Variants in STYK1 observed in about 807,000 individuals in gnomAD.
The protein encoded by STYK1 is STY kinase 1, also known as tyrosine-protein kinase STYK1.
In STYK1, 46 loss-of-function variants were observed where a neutral mutation model predicts 48.1. The observed-to-expected ratio is 0.96, with a 90% CI of 0.75 to 1.22. The LOEUF is 1.22. Among genes scored for constraint, STYK1 ranks in the 50% most tolerant of loss-of-function variants. The probability of loss-of-function intolerance (pLI) is 0.00; values close to 1 mark genes in which losing one functional copy is unlikely to be tolerated. For missense variants in STYK1, 527 were observed against 521.1 expected, an observed-to-expected ratio of 1.01 and a Z score of -0.11; for synonymous variants, 188 against 189.0, an observed-to-expected ratio of 0.99 and a Z score of 0.04.
At chr12:10,623,746 T>C (rs1435143098) in intron 8 of STYK1, among the ~76,000 whole-genome samples, 1 of 152,136 alleles carries the variant, frequency 6.6e-6, no homozygotes, top group East Asian at 1.9e-4. Flanking sequence ...GTCAAACAAT[T>C]TCACAATTAT....
chr12:10,631,535 C>T (rs1000150420), intron 4 of STYK1, among the ~76,000 whole-genome samples: 14 of 152,322 alleles, frequency 9.2e-5, no homozygotes, highest in African/African-American at 3.4e-4. Flanking sequence ...CCCAGGAAAT[C>T]GGTCATGACA....
At chr12:10,630,829 T>C (rs1947418488) in intron 5 of STYK1, among the ~76,000 whole-genome samples, 1 of 152,060 alleles carries the variant, frequency 6.6e-6, no homozygotes, top group Non-Finnish European at 1.5e-5. Flanking sequence ...ATTTTAGTTA[T>C]TATTTGGAGA....
chr12:10,624,682 G>A lies in STYK1; in HGVS notation c.895C>T (p.Leu299Phe). 7 of 1,614,128 alleles carry A rather than the reference G, an allele frequency of 4.3e-6. No individual in the cohort carries two copies. Among genetic ancestry groups the A allele is most frequent in the Non-Finnish European group, 5.9e-6 (7 of 1,180,018 alleles). Residue 299 changes from leucine to phenylalanine, a missense_variant, in exon 8 of 11, where the codon CTC (leucine) becomes TTC (phenylalanine). Transcript: ENST00000075503. ...PLKWLAPERL[L>F]LRPASIRADV... ...GCTCTGATGCTAGCAGGTCTCAGGA[G>A]AAGCCGTTCTGGGGCAAGCCACTTG...
intron 1 of STYK1, among the ~76,000 whole-genome samples, chr12:10,655,410 C>T (rs1354247847): frequency 1.3e-5 from 2 of 152,200 alleles, no homozygotes; most frequent in Non-Finnish European, 2.9e-5. Context: ...ATTGTCTGCT[C>T]CAGGCTCTTT....
chr12:10,640,499 A>G (rs1423278747), intron 1 of STYK1, among the ~76,000 whole-genome samples: 1 of 152,152 alleles, frequency 6.6e-6, no homozygotes, highest in East Asian at 1.9e-4. Context: ...ATATTGAGAA[A>G]TTGTGCTTAT....
intron 1 of STYK1, among the ~76,000 whole-genome samples, chr12:10,664,112 T>C (rs937618411): frequency 2.0e-5 from 3 of 152,124 alleles, no homozygotes; most frequent in Non-Finnish European, 4.4e-5. Context: ...TGAAGCAGCA[T>C]GGTGTAATAT....
At chr12:10,631,511 A>T (rs901184182) in intron 4 of STYK1, among the ~76,000 whole-genome samples, 1 of 152,230 alleles carries the variant, frequency 6.6e-6, no homozygotes, top group Non-Finnish European at 1.5e-5. Flanking sequence ...TTCTTAGGAC[A>T]ACTCAAGAAG....
chr12:10,669,785 G>A (rs968852012), intron 1 of STYK1, among the ~76,000 whole-genome samples: 1 of 152,024 alleles, frequency 6.6e-6, no homozygotes, highest in East Asian at 1.9e-4. Context: ...ACAATAGGGG[G>A]AAAACAAATA....
rs1947420958 is a variant in STYK1 at position 10,631,026 on chromosome 12, C to A, written c.451+19G>T. 1 of 1,609,900 alleles carries A rather than the reference C, an allele frequency of 6.2e-7. No homozygotes were observed. The highest frequency in any genetic ancestry group is 8.5e-7 in the Non-Finnish European group (1 of 1,177,154). ...ATTTACTGTTAGGGGAAGGGGGAGT[C>A]AAACACTTCTTGTTTTACCTTTTAA... On this transcript the variant is annotated intron_variant, in intron 5 of 10. Transcript: ENST00000075503.
chr12:10,619,942 A>G lies in STYK1; in HGVS notation c.*202T>C, dbSNP rs905097411. 9.5e-6 allele frequency: 6 copies of G among 629,244 alleles called. No individual in the cohort carries two copies. Among genetic ancestry groups the G allele is most frequent in the African/African-American group, 9.2e-5 (5 of 54,498 alleles). 39.0% of individuals were successfully genotyped at this position (629,244 alleles called of 1,614,324 possible). On this transcript the variant is annotated 3_prime_UTR_variant, in exon 11 of 11. Transcript: ENST00000075503. ...TTCTAGGACTGGGACAGCAGAAGTGAGACTGACAGTATGTCTTAGCTCAGG... is the reference window on the plus strand; with the variant it reads ...TTCTAGGACTGGGACAGCAGAAGTGGGACTGACAGTATGTCTTAGCTCAGG...
At chr12:10,635,054 A>G (rs988937405) in intron 2 of STYK1, among the ~76,000 whole-genome samples, 1 of 152,176 alleles carries the variant, frequency 6.6e-6, no homozygotes, top group African/African-American at 2.4e-5. Flanking sequence ...TGTGGGCATG[A>G]TCTACCTCCC....
rs1040519884 is a variant in STYK1 at position 10,672,564 on chromosome 12, C to T, written c.-195+1402G>A. Among the ~76,000 whole-genome samples, 1 of 152,088 alleles carries T rather than the reference C, an allele frequency of 6.6e-6. No homozygotes were observed. Among genetic ancestry groups the T allele is most frequent in the Non-Finnish European group, 1.5e-5 (1 of 68,030 alleles). On this transcript the variant is annotated intron_variant, in intron 1 of 10. Coordinates refer to ENST00000075503, the MANE Select transcript of STYK1 (RefSeq NM_018423.3). This position sits in a 1 kb window ranked among gnomAD's most constrained non-coding sequence, Gnocchi z 4.0. Reference sequence around the variant, plus strand: ...CATTAGATTGTCATAGGAGCGTGAACCCTATTGTGAACTGCTCATGTGAGG... The same window carrying T: ...CATTAGATTGTCATAGGAGCGTGAATCCTATTGTGAACTGCTCATGTGAGG...
intron 1 of STYK1, among the ~76,000 whole-genome samples, chr12:10,656,262 G>A (rs1330224404): frequency 3.3e-5 from 5 of 152,032 alleles, no homozygotes; most frequent in Admixed American, 6.5e-5. Context: ...ACGTGGAATT[G>A]TAAGTCCATT....
chr12:10,661,026 C>A (rs948053738), intron 1 of STYK1, among the ~76,000 whole-genome samples: 56 of 152,120 alleles, frequency 3.7e-4, no homozygotes, highest in African/African-American at 1.3e-3. Context: ...TGAATTCTTT[C>A]TTGAGTGAAG....
chr12:10,672,240 C>T lies in STYK1; in HGVS notation c.-195+1726G>A, dbSNP rs138134922. On this transcript the variant is annotated intron_variant, in intron 1 of 10. Coordinates refer to ENST00000075503, the MANE Select transcript of STYK1 (RefSeq NM_018423.3). The surrounding 1 kb of genome is among the most constrained non-coding windows in gnomAD (Gnocchi z 4.0). Reference sequence around the variant, plus strand: ...CGTTGTTTAAGCCAGAGGTCACCAACACCCGGGGCGCCGACAGGTACGGGG... The same window carrying T: ...CGTTGTTTAAGCCAGAGGTCACCAATACCCGGGGCGCCGACAGGTACGGGG... Among the ~76,000 whole-genome samples, 146 of 152,292 alleles carry T rather than the reference C, an allele frequency of 9.6e-4. 1 individual carries two copies. The highest frequency in any genetic ancestry group is 3.1e-3 in the African/African-American group (130 of 41,572).
In STYK1 at chr12:10,619,602, C is replaced by A; in HGVS notation, c.*542G>T. The A allele has an allele frequency of 6.3e-6, 1 of 158,948 alleles. No individual in the cohort carries two copies. The highest frequency in any genetic ancestry group is 1.4e-5 in the Non-Finnish European group (1 of 72,772). 9.8% of individuals were successfully genotyped at this position (158,948 alleles called of 1,614,324 possible). A position where few individuals can be genotyped will look rare whatever the true frequency, so the allele number is the denominator to read the frequency against. On this transcript the variant is annotated 3_prime_UTR_variant, in exon 11 of 11. Coordinates refer to ENST00000075503, the MANE Select transcript of STYK1 (RefSeq NM_018423.3). Reference sequence around the variant, plus strand: ...CTAAGGTGAAACTCAGAGGTTTTTCCGTTATAGTTCTCCTCCAACCCCACA... The same window carrying A: ...CTAAGGTGAAACTCAGAGGTTTTTCAGTTATAGTTCTCCTCCAACCCCACA...
intron 4 of STYK1, 114 bp from the exon 5 acceptor site, chr12:10,631,422 G>T (rs2168746): frequency 7.4e-6 from 10 of 1,352,244 alleles, no homozygotes; most frequent in African/African-American, 2.9e-5. Context: ...TTTGGCCAAT[G>T]GGGAGTTGTC....
At chr12:10,650,443 T>G (rs1947650343) in intron 1 of STYK1, among the ~76,000 whole-genome samples, 1 of 152,218 alleles carries the variant, frequency 6.6e-6, no homozygotes, top group African/African-American at 2.4e-5. Context: ...TAGCTAAAAG[T>G]GCCTCTTCTA....
chr12:10,658,384 T>C (rs1169153968), intron 1 of STYK1, among the ~76,000 whole-genome samples: 1 of 152,230 alleles, frequency 6.6e-6, no homozygotes, highest in Non-Finnish European at 1.5e-5. Context: ...TGTTTGCCTT[T>C]TGAATAAACT....
Sources: gnomAD v4.1 joint callset for allele counts (sites outside exome capture counted in the v4.1 genomes callset) on GRCh38, gnomAD v4.1.1 for gene constraint, Gnocchi (gnomAD v3.1) non-coding constraint, MANE v1.5 for transcripts, NCBI Gene and HGNC (gene_info 2026-07-23, HGNC 2026-07-21) for gene names.